The following TMEM266 variants were observed in gnomAD, a reference collection of about 807,000 sequenced individuals.
TMEM266 encodes transmembrane protein 266, also known as Hv1 related protein 1.
A neutral mutation model predicts 50.5 loss-of-function variants in TMEM266; 33 were observed. The ratio of observed to expected loss-of-function variants is 0.65; its 90% confidence interval spans 0.50 to 0.87. The LOEUF is 0.87. TMEM266 is among the 40% of genes least tolerant of loss of function. The pLI is 0.00. For missense variants in TMEM266, 655 were observed against 695.1 expected, an observed-to-expected ratio of 0.94 and a Z score of 0.65; for synonymous variants, 310 against 292.3, an observed-to-expected ratio of 1.06 and a Z score of -0.62.
At chr15:76,104,018 T>C (rs1468034815) in intron 1 of TMEM266, among the ~76,000 whole-genome samples, 2 of 149,150 alleles carry the variant, frequency 1.3e-5, no homozygotes, top group Admixed American at 6.7e-5. Flanking sequence ...CCATCCTGGC[T>C]AACATGATGA....
intron 1 of TMEM266, among the ~76,000 whole-genome samples, chr15:76,128,041 C>T (rs928871482): frequency 6.6e-6 from 1 of 152,200 alleles, no homozygotes; most frequent in African/African-American, 2.4e-5. Context: ...GGAATGGCTG[C>T]ATGTCAGAAA....
chr15:76,138,037 C>A, intron 3 of TMEM266, 142 bp downstream of exon 3: 1 of 722,700 alleles, frequency 1.4e-6, no homozygotes, highest in Non-Finnish European at 2.1e-6. Flanking sequence ...GCCTGGCCAA[C>A]ATGGTAAAAC....
chr15:76,183,452 G>C (rs942210002), intron 8 of TMEM266, among the ~76,000 whole-genome samples: 1 of 152,162 alleles, frequency 6.6e-6, no homozygotes, highest in African/African-American at 2.4e-5. Flanking sequence ...GTCTTCTCCA[G>C]TCAGTGGATA....
chr15:76,124,651 T>C (rs934800162), intron 1 of TMEM266, among the ~76,000 whole-genome samples: 3 of 151,902 alleles, frequency 2.0e-5, no homozygotes, highest in East Asian at 1.9e-4. Flanking sequence ...AATTCAAAAT[T>C]ATCCAAGCAT....
intron 9 of TMEM266, 113 bp downstream of exon 9, chr15:76,192,270 G>A: frequency 9.9e-7 from 1 of 1,012,150 alleles, no homozygotes; most frequent in Non-Finnish European, 1.3e-6. Context: ...TCAGGTGTGT[G>A]CCCCTCCTTC....
intron 1 of TMEM266, among the ~76,000 whole-genome samples, chr15:76,081,889 A>G (rs1460631365): frequency 5.9e-5 from 9 of 152,168 alleles, no homozygotes; most frequent in African/African-American, 2.2e-4. Context: ...GACTGTAACA[A>G]TGCCTCTCCC....
At chr15:76,081,199 A>G (rs751678531) in intron 1 of TMEM266, among the ~76,000 whole-genome samples, 42 of 152,342 alleles carry the variant, frequency 2.8e-4, no homozygotes, top group Admixed American at 7.8e-4. Context: ...CAAGAAGGCA[A>G]GTCTCCGTGT....
At chr15:76,136,315 A>G (rs1474559250) in intron 2 of TMEM266, among the ~76,000 whole-genome samples, 2 of 152,202 alleles carry the variant, frequency 1.3e-5, no homozygotes, top group Non-Finnish European at 2.9e-5. Flanking sequence ...CCACACAAGT[A>G]TAGGGACTTG....
At chr15:76,110,468 G>A (rs1037081740) in intron 1 of TMEM266, among the ~76,000 whole-genome samples, 6 of 152,202 alleles carry the variant, frequency 3.9e-5, no homozygotes, top group Middle Eastern at 3.4e-3. Context: ...TACCTTTAAC[G>A]TTAGTGTATT....
In TMEM266 at chr15:76,088,325, A is replaced by G. The variant is rs547779997; in HGVS notation, c.-97+28309A>G. On this transcript the variant is annotated intron_variant, in intron 1 of 10. Coordinates refer to ENST00000388942, the MANE Select transcript of TMEM266 (RefSeq NM_152335.3). ...GTACTCTGGGAGTGTACAGGGAGCAACTGGGCCTGAAGAAGTTAGGAAAGA... is the reference window on the plus strand; with the variant it reads ...GTACTCTGGGAGTGTACAGGGAGCAGCTGGGCCTGAAGAAGTTAGGAAAGA... 1.1e-4 allele frequency among the ~76,000 whole-genome samples: 16 copies of G among 152,318 alleles called. No homozygotes were observed. The East Asian group carries it at 2.9e-3, about 28-fold the overall frequency.
chr15:76,128,602 G>T (rs1302098863), intron 1 of TMEM266, among the ~76,000 whole-genome samples: 1 of 152,174 alleles, frequency 6.6e-6, no homozygotes, highest in African/African-American at 2.4e-5. Context: ...TGCTAGGCTT[G>T]TGTTTTGAGG....
intron 5 of TMEM266, among the ~76,000 whole-genome samples, chr15:76,165,036 C>T (rs2038073536): frequency 6.6e-6 from 1 of 152,264 alleles, no homozygotes; most frequent in Admixed American, 6.5e-5. Flanking sequence ...AGGCCCCTCC[C>T]CAGGGAAAGA....
chr15:76,181,527 C>G (rs1381529942), intron 8 of TMEM266: 2 of 152,216 alleles, frequency 1.3e-5, no homozygotes, highest in Non-Finnish European at 2.9e-5. Flanking sequence ...AGCAATTCCT[C>G]AATTCCTTAG....
At chr15:76,093,108 G>T (rs1160200774) in intron 1 of TMEM266, among the ~76,000 whole-genome samples, 2 of 151,446 alleles carry the variant, frequency 1.3e-5, no homozygotes, top group Non-Finnish European at 2.9e-5. Context: ...GCCCAGCCAG[G>T]TGCTATTTTT....
At chr15:76,067,655 GA>G (rs1415206405) in intron 1 of TMEM266, among the ~76,000 whole-genome samples, 1 of 133,484 alleles carries the variant, frequency 7.5e-6, no homozygotes, top group East Asian at 2.2e-4. Flanking sequence ...AAAAAGAAAA[GA>G]AAAGAAAAGA....
chr15:76,197,709 G>C (rs1223076164), intron 9 of TMEM266, among the ~76,000 whole-genome samples: 1 of 152,194 alleles, frequency 6.6e-6, no homozygotes, highest in African/African-American at 2.4e-5. Context: ...CCCAAACCAG[G>C]AATCAGAGCC....
intron 1 of TMEM266, among the ~76,000 whole-genome samples, chr15:76,092,221 A>G (rs2141998625): frequency 6.6e-6 from 1 of 152,178 alleles, no homozygotes; most frequent in South Asian, 2.1e-4. Flanking sequence ...AATATACTGT[A>G]ATTATAGTAT....
intron 3 of TMEM266, among the ~76,000 whole-genome samples, 156 bp downstream of exon 3, chr15:76,138,051 G>A (rs1182607930): frequency 6.6e-6 from 1 of 151,956 alleles, no homozygotes; most frequent in Non-Finnish European, 1.5e-5. Flanking sequence ...GTAAAACCCT[G>A]TCTCTACTAA....
intron 1 of TMEM266, among the ~76,000 whole-genome samples, chr15:76,114,499 T>C (rs1160156602): frequency 6.6e-6 from 1 of 152,160 alleles, no homozygotes; most frequent in Non-Finnish European, 1.5e-5. Flanking sequence ...GCCTGGGTGA[T>C]AGAGTGAGAC....
Sources: gnomAD v4.1 joint callset for allele counts (sites outside exome capture counted in the v4.1 genomes callset) on GRCh38, gnomAD v4.1.1 for gene constraint, MANE v1.5 for transcripts, NCBI Gene and HGNC (gene_info 2026-07-23, HGNC 2026-07-21) for gene names.